The following PPP2R2B variants were observed in gnomAD, a reference collection of about 807,000 sequenced individuals.
The protein encoded by PPP2R2B is protein phosphatase 2 regulatory subunit Bbeta, also known as serine/threonine-protein phosphatase 2A 55 kDa regulatory subunit B beta isoform.
Under a neutral mutation model 46.0 loss-of-function variants are expected in PPP2R2B, and 5 were observed. The observed-to-expected ratio is 0.11, with a 90% CI of 0.06 to 0.23. The LOEUF is 0.23. PPP2R2B is among the 10% of genes least tolerant of loss of function. The probability of loss-of-function intolerance (pLI) is 1.00; values close to 1 mark genes in which losing one functional copy is unlikely to be tolerated. For synonymous variants in PPP2R2B, 215 were observed against 206.7 expected (o/e 1.04, Z -0.34); for missense variants, 367 against 575.0 (o/e 0.64, Z 3.70).
chr5:147,021,689 G>C (rs1755274489), intron 1 of PPP2R2B, among the ~76,000 whole-genome samples: 1 of 152,084 alleles, frequency 6.6e-6, no homozygotes, highest in Admixed American at 6.5e-5. Context: ...AAAGGAGCAT[G>C]ATTATTAATG....
chr5:147,027,987 CT>C (rs1368385764), intron 1 of PPP2R2B, among the ~76,000 whole-genome samples: 1 of 152,134 alleles, frequency 6.6e-6, no homozygotes, highest in Non-Finnish European at 1.5e-5. Flanking sequence ...GACTTTGTGG[CT>C]TTTGTCTGTA....
At chr5:146,605,117 C>T (rs570379123) in intron 7 of PPP2R2B, among the ~76,000 whole-genome samples, 2 of 152,294 alleles carry the variant, frequency 1.3e-5, no homozygotes, top group Non-Finnish European at 2.9e-5. Context: ...AACTCACTCA[C>T]TATTCATAGG....
chr5:146,835,156 T>C (rs1759203766), intron 2 of PPP2R2B, among the ~76,000 whole-genome samples: 1 of 152,218 alleles, frequency 6.6e-6, no homozygotes, highest in South Asian at 2.1e-4. Flanking sequence ...CGAAGATTTA[T>C]GAGGATCTAT....
intron 2 of PPP2R2B, among the ~76,000 whole-genome samples, chr5:147,070,783 A>G (rs1757566761): frequency 6.6e-6 from 1 of 152,028 alleles, no homozygotes; most frequent in African/African-American, 2.4e-5. Flanking sequence ...CAAAGCCGAG[A>G]TTTTGTTGTG....
At chr5:146,735,516 C>T (rs1414631164) in intron 2 of PPP2R2B, among the ~76,000 whole-genome samples, 6 of 151,882 alleles carry the variant, frequency 4.0e-5, no homozygotes, top group East Asian at 1.9e-4. Flanking sequence ...CTGCAAGGTT[C>T]GATTAGCTGC....
intron 1 of PPP2R2B, among the ~76,000 whole-genome samples, chr5:147,003,100 T>C (rs1754260908): frequency 6.6e-6 from 1 of 152,090 alleles, no homozygotes; most frequent in Admixed American, 6.6e-5. Flanking sequence ...GGAAGGCAAA[T>C]GGAGTGAAAT....
chr5:146,633,195 T>A (rs1197981946), intron 7 of PPP2R2B, among the ~76,000 whole-genome samples: 2 of 152,212 alleles, frequency 1.3e-5, no homozygotes, highest in Non-Finnish European at 2.9e-5. Flanking sequence ...CTGCTGAGTA[T>A]GCAGAGTGAG....
chr5:146,930,575 C>G (rs1185203051), intron 1 of PPP2R2B, among the ~76,000 whole-genome samples: 2 of 152,124 alleles, frequency 1.3e-5, no homozygotes, highest in Non-Finnish European at 2.9e-5. Context: ...CTGTTTTGAA[C>G]AGGCTTCCCA....
At chr5:147,004,763 C>A (rs763273035) in intron 1 of PPP2R2B, among the ~76,000 whole-genome samples, 5 of 152,128 alleles carry the variant, frequency 3.3e-5, no homozygotes, top group Non-Finnish European at 5.9e-5. Flanking sequence ...CTTAAGCCTT[C>A]CCACAGGATG....
At chr5:146,619,774 C>T (rs946022270) in intron 7 of PPP2R2B, among the ~76,000 whole-genome samples, 4 of 152,144 alleles carry the variant, frequency 2.6e-5, no homozygotes, top group Middle Eastern at 3.2e-3. Flanking sequence ...CCTAACCTCT[C>T]CCTGCTCCCC....
intron 2 of PPP2R2B, among the ~76,000 whole-genome samples, chr5:146,805,815 T>G (rs1322139062): frequency 1.8e-5 from 2 of 110,524 alleles, no homozygotes; most frequent in Admixed American, 9.0e-5. Context: ...GAGCTCTAAA[T>G]ATGTTGCTTC....
intron 5 of PPP2R2B, among the ~76,000 whole-genome samples, chr5:146,661,476 T>A (rs943213874): frequency 1.3e-5 from 2 of 152,070 alleles, no homozygotes; most frequent in East Asian, 3.8e-4. Flanking sequence ...AAAATATCTA[T>A]GTTTAATATC....
At chr5:146,820,831 C>T (rs943916175) in intron 2 of PPP2R2B, among the ~76,000 whole-genome samples, 30 of 152,178 alleles carry the variant, frequency 2.0e-4, no homozygotes, top group African/African-American at 6.8e-4. Flanking sequence ...AACCTAGAGA[C>T]ACAGGATTCA....
chr5:146,752,312 CA>C (rs1379597774), intron 2 of PPP2R2B, among the ~76,000 whole-genome samples: 1 of 152,106 alleles, frequency 6.6e-6, no homozygotes, highest in Admixed American at 6.5e-5. Flanking sequence ...TGAAAAAAAG[CA>C]GTGCCTGTAA....
intron 5 of PPP2R2B, among the ~76,000 whole-genome samples, chr5:146,670,461 T>C (rs143837171): frequency 6.1e-5 from 9 of 147,088 alleles, no homozygotes; most frequent in Admixed American, 6.9e-5. Flanking sequence ...TTTTCTTATC[T>C]GTTTTATGTG....
intron 2 of PPP2R2B, among the ~76,000 whole-genome samples, chr5:146,810,777 GGTTT>G (rs1178888236): frequency 6.6e-6 from 1 of 151,494 alleles, no homozygotes; most frequent in African/African-American, 2.4e-5. Flanking sequence ...ACAATGTGTG[GGTTT>G]GTTACATATG....
chr5:146,644,261 A>AAAAAAAAAG (rs1554118466), intron 6 of PPP2R2B, among the ~76,000 whole-genome samples: 5 of 76,098 alleles, frequency 6.6e-5, no homozygotes, highest in African/African-American at 2.3e-4. Flanking sequence ...AAAAAAAAAA[A>AAAAAAAAAG]AAGAAGAAGA....
chr5:146,908,182 G>A (rs918085546), intron 1 of PPP2R2B, among the ~76,000 whole-genome samples: 1 of 152,100 alleles, frequency 6.6e-6, no homozygotes, highest in Non-Finnish European at 1.5e-5. Flanking sequence ...AAGTTTTGAG[G>A]GAAACACTTC....
rs1008273851 is a variant in PPP2R2B, at chr5:147,079,388, A to G, written c.50+1671T>C. Among the ~76,000 whole-genome samples, 3 of 146,852 alleles carry G rather than the reference A, an allele frequency of 2.0e-5. No individual in the cohort carries two copies. The Admixed American group carries it at 2.1e-4, about 10-fold the overall frequency. Reference sequence around the variant, plus strand: ...ATATATATATAATATGTGATATAAAATGGGATATATAATATATATAATATA... The same window carrying G: ...ATATATATATAATATGTGATATAAAGTGGGATATATAATATATATAATATA... On this transcript the variant is annotated intron_variant, in intron 2 of 10. Transcript: ENST00000394413.
Sources: gnomAD v4.1 joint callset for allele counts (sites outside exome capture counted in the v4.1 genomes callset) on GRCh38, gnomAD v4.1.1 for gene constraint, MANE v1.5 for transcripts, NCBI Gene and HGNC (gene_info 2026-07-23, HGNC 2026-07-21) for gene names.